Variants in AGFG1 observed in about 807,000 individuals in gnomAD.
AGFG1 encodes ArfGAP with FG repeats 1, also known as arf-GAP domain and FG repeat-containing protein 1.
AGFG1 carries 10 observed loss-of-function variants against 60.6 expected under a neutral mutation model. The observed-to-expected ratio is 0.16, with a 90% CI of 0.10 to 0.28. AGFG1 has a LOEUF of 0.28. AGFG1 is among the 10% of genes least tolerant of loss of function. AGFG1 has a pLI of 1.00. For missense variants in AGFG1, 537 were observed against 676.5 expected (o/e 0.79, Z 2.29); for synonymous variants, 247 against 242.9 (o/e 1.02, Z -0.16).
In AGFG1 at chr2:227,488,778, A is replaced by G. The variant is rs545452260; in HGVS notation, c.168-2769A>G. 2.0e-5 allele frequency among the ~76,000 whole-genome samples: 3 copies of G among 152,320 alleles called. No homozygotes were observed. The South Asian group carries it at 6.2e-4, about 32-fold the overall frequency. On this transcript the variant is annotated intron_variant, in intron 1 of 12. Coordinates refer to ENST00000310078, the MANE Select transcript of AGFG1 (RefSeq NM_004504.5). ...AAGTGTTGTGCCCTAAGTGAGTAAT[A>G]ATGACTTTTCTAAATTTTCACTTTT... is the stretch of plus-strand genomic sequence containing the variant.
In AGFG1 at chr2:227,543,841, G is replaced by GTTA. The variant is rs535436940; in HGVS notation, c.1378+6849_1378+6850insTAT. ...TTGCTTTTTAAATCTGGGTTCTCCTGTATTGGGTGCATATATATTTAGGAT... is the reference window on the plus strand; with the variant it reads ...TTGCTTTTTAAATCTGGGTTCTCCTGTTATATTGGGTGCATATATATTTAGGAT... On this transcript the variant is annotated intron_variant, in intron 10 of 12. Transcript: ENST00000310078. Among the ~76,000 whole-genome samples, 85 of 104,938 alleles carry GTTA rather than the reference G, an allele frequency of 8.1e-4. No individual in the cohort carries two copies. In the East Asian group the frequency reaches 0.021, roughly 26 times the overall value. 68.8% of individuals were successfully genotyped at this position (104,938 alleles called of 152,430 possible). A position where few individuals can be genotyped will look rare whatever the true frequency, so the allele number is the denominator to read the frequency against.
At chr2:227,535,861 C>T (rs115610698) in intron 8 of AGFG1, among the ~76,000 whole-genome samples, 4,028 of 152,172 alleles carry the variant, frequency 0.026, 206 homozygotes, top group African/African-American at 0.092. Context: ...GGTTCACAAA[C>T]TGTGGTCCAT....
intron 3 of AGFG1, among the ~76,000 whole-genome samples, chr2:227,521,392 A>T (rs1221396806): frequency 2.0e-5 from 3 of 152,200 alleles, no homozygotes. Flanking sequence ...TTTGCAAGGC[A>T]AGATTAGTCA....
At chr2:227,494,594 A>T (rs74739214) in intron 2 of AGFG1, among the ~76,000 whole-genome samples, 8,252 of 152,260 alleles carry the variant, frequency 0.054, 293 homozygotes, top group African/African-American at 0.09. Context: ...CTATTGGAAG[A>T]TGTTGCTGGC....
chr2:227,560,729 A>C lies in AGFG1; in HGVS notation c.*6234A>C, dbSNP rs896509904. The C allele has an allele frequency of 1.3e-5, 2 of 152,268 alleles. No individual in the cohort carries two copies. The highest frequency in any genetic ancestry group is 4.1e-4 in the South Asian group (2 of 4,832). The allele number at this position is 152,268 out of a possible 1,614,324, so 9.4% of individuals were successfully genotyped here. On this transcript the variant is annotated 3_prime_UTR_variant, in exon 13 of 13. Coordinates refer to ENST00000310078, the MANE Select transcript of AGFG1 (RefSeq NM_004504.5). ...ACAACCACATTTGTTCATTATACAA[A>C]ATTAGCTTCCTATGCTTTAGAAAAA... is the stretch of plus-strand genomic sequence containing the variant.
chr2:227,548,947 A>C (rs897739882), intron 10 of AGFG1, among the ~76,000 whole-genome samples: 10 of 152,180 alleles, frequency 6.6e-5, no homozygotes, highest in African/African-American at 2.2e-4. Context: ...AAAAAGAAAA[A>C]AAAGAAAGTA....
intron 11 of AGFG1, among the ~76,000 whole-genome samples, chr2:227,553,213 CTT>C (rs1692873275): frequency 6.6e-6 from 1 of 151,816 alleles, no homozygotes; most frequent in African/African-American, 2.4e-5. Flanking sequence ...TGAAAGTTCT[CTT>C]GGCCAGGTGT....
intron 1 of AGFG1, among the ~76,000 whole-genome samples, chr2:227,474,172 T>G (rs990565394): frequency 1.1e-4 from 17 of 152,100 alleles, no homozygotes; most frequent in African/African-American, 3.9e-4. Context: ...GAAAAAGGAG[T>G]TAAGCTAGAA....
At chr2:227,499,269 G>A (rs1411943963) in intron 2 of AGFG1, among the ~76,000 whole-genome samples, 1 of 151,130 alleles carries the variant, frequency 6.6e-6, no homozygotes, top group Admixed American at 6.6e-5. Flanking sequence ...TTAATGGTTT[G>A]TTTGAATGAG....
At chr2:227,529,351 T>G (rs6436701) in intron 5 of AGFG1, among the ~76,000 whole-genome samples, 90,830 of 151,902 alleles carry the variant, frequency 0.6, 27,223 homozygotes, top group South Asian at 0.7. Flanking sequence ...TAAAAAAAAT[T>G]AGGTGAAAAT....
At chr2:227,501,530 T>C (rs955663305) in intron 2 of AGFG1, among the ~76,000 whole-genome samples, 1 of 152,220 alleles carries the variant, frequency 6.6e-6, no homozygotes, top group Admixed American at 6.5e-5. Flanking sequence ...TATACAAATA[T>C]ACACATAAAC....
intron 1 of AGFG1, among the ~76,000 whole-genome samples, chr2:227,476,670 CAG>C (rs1366932025): frequency 1.3e-5 from 2 of 152,034 alleles, no homozygotes; most frequent in African/African-American, 2.4e-5. Flanking sequence ...TTTTAGATGA[CAG>C]ATGAAAAGAG....
At position 227,554,605 on chromosome 2, in the gene AGFG1, G is replaced by A; in HGVS notation, c.*110G>A. On this transcript the variant is annotated 3_prime_UTR_variant, in exon 13 of 13. Coordinates refer to ENST00000310078, the MANE Select transcript of AGFG1 (RefSeq NM_004504.5). Reference sequence around the variant, plus strand: ...GATCTTAGCTTTAAACACAAGAGAAGTCTTTAAAAAGCCTGCATTGTGTAT... The same window carrying A: ...GATCTTAGCTTTAAACACAAGAGAAATCTTTAAAAAGCCTGCATTGTGTAT... 1.1e-6 allele frequency: 1 copy of A among 951,020 alleles called. No homozygotes were observed. The highest frequency in any genetic ancestry group is 2.7e-5 in the Admixed American group (1 of 37,044). The allele number at this position is 951,020 out of a possible 1,614,324, so 58.9% of individuals were successfully genotyped here. A position where few individuals can be genotyped will look rare whatever the true frequency, so the allele number is the denominator to read the frequency against.
chr2:227,491,414 A>G, intron 1 of AGFG1, 133 bp from the exon 2 acceptor site: 1 of 524,224 alleles, frequency 1.9e-6, no homozygotes, highest in South Asian at 3.9e-5. Context: ...TAATTTAAAA[A>G]TACTTTGAGT....
chr2:227,476,893 CT>C (rs1690299217), intron 1 of AGFG1, among the ~76,000 whole-genome samples: 1 of 123,896 alleles, frequency 8.1e-6, no homozygotes, highest in Non-Finnish European at 1.6e-5. Flanking sequence ...TTTATACTTT[CT>C]CTCTCTCTCT....
chr2:227,528,195 T>C (rs1257505752), intron 5 of AGFG1, among the ~76,000 whole-genome samples: 2 of 152,234 alleles, frequency 1.3e-5, no homozygotes, highest in African/African-American at 2.4e-5. Flanking sequence ...TCTAAGGACA[T>C]GCTTTAGAAG....
intron 2 of AGFG1, among the ~76,000 whole-genome samples, chr2:227,513,119 T>A (rs556854584): frequency 6.6e-6 from 1 of 152,352 alleles, no homozygotes; most frequent in South Asian, 2.1e-4. Flanking sequence ...CCTCAAGGAT[T>A]ACTGATATAA....
intron 2 of AGFG1, chr2:227,508,394 TA>T (rs1691390670): frequency 4.0e-6 from 1 of 249,920 alleles, no homozygotes; most frequent in East Asian, 9.0e-5. Flanking sequence ...AGACAAAATA[TA>T]AAGTTCTTAA....
chr2:227,480,958 G>A (rs1690439781), intron 1 of AGFG1, among the ~76,000 whole-genome samples: 1 of 152,164 alleles, frequency 6.6e-6, no homozygotes, highest in African/African-American at 2.4e-5. Flanking sequence ...TGAGAAGTCT[G>A]ATGCTATTCT....
Sources: allele counts gnomAD v4.1 joint callset (sites outside exome capture counted in the v4.1 genomes callset), GRCh38; gene constraint gnomAD v4.1.1; transcripts MANE v1.5; gene names NCBI Gene and HGNC (gene_info 2026-07-23, HGNC 2026-07-21).